The following GPI variants were observed in gnomAD, a reference collection of about 807,000 sequenced individuals.
GPI encodes the protein glucose-6-phosphate isomerase.
In GPI, 56 loss-of-function variants were observed where a neutral mutation model predicts 75.8. That is an observed-to-expected ratio of 0.74 (90% CI 0.60 to 0.92). The LOEUF is 0.92. GPI is among the 40% of genes least tolerant of loss of function. The pLI is 0.00. For missense variants in GPI, 638 were observed against 741.0 expected (o/e 0.86, Z 1.61); for synonymous variants, 288 against 285.4 (o/e 1.01, Z -0.09).
upstream of GPI, among the ~76,000 whole-genome samples, chr19:34,362,003 T>C (rs2074303990): frequency 6.6e-6 from 1 of 151,308 alleles, no homozygotes; most frequent in African/African-American, 2.4e-5. Context: ...TAATCTCAGC[T>C]ACTCGGGAGG....
chr19:34,382,947 T>A (rs1211015790), intron 9 of GPI, among the ~76,000 whole-genome samples: 2 of 151,980 alleles, frequency 1.3e-5, no homozygotes, highest in Admixed American at 6.6e-5. Flanking sequence ...GAAGGTGATA[T>A]CTGAAGAACC....
intron 9 of GPI, among the ~76,000 whole-genome samples, chr19:34,382,975 G>A (rs2074677637): frequency 6.6e-6 from 1 of 152,168 alleles, no homozygotes; most frequent in Non-Finnish European, 1.5e-5. Flanking sequence ...AGGAGCAGGC[G>A]AAGTTCCTGC....
chr19:34,368,880 A>ATT (rs2074408012), intron 4 of GPI, 178 bp downstream of exon 4: 1 of 717,040 alleles, frequency 1.4e-6, no homozygotes, highest in South Asian at 1.5e-5. Flanking sequence ...TGAGGCCTGA[A>ATT]TTTCTCCTGG....
At chr19:34,366,484 G>T (rs754574122) in intron 2 of GPI, 49 bp downstream of exon 2, 2 of 1,325,528 alleles carry the variant, frequency 1.5e-6, no homozygotes, top group Admixed American at 1.7e-5. Context: ...AGAGTGGTGG[G>T]TGAGCTGGGC....
At chr19:34,394,465 C>T (rs989424106) in intron 12 of GPI, among the ~76,000 whole-genome samples, 1 of 78,800 alleles carries the variant, frequency 1.3e-5, no homozygotes. Flanking sequence ...GGATCTGGTA[C>T]AGGTATGAGG....
At chr19:34,366,488 G>A in intron 2 of GPI, 53 bp downstream of exon 2, 1 of 1,285,570 alleles carries the variant, frequency 7.8e-7, no homozygotes, top group Non-Finnish European at 1.1e-6. Flanking sequence ...TGGTGGGTGA[G>A]CTGGGCTCCT....
chr19:34,399,597 C>T lies in GPI; in HGVS notation c.1440C>T (p.Thr480=), dbSNP rs140849800. 1.2e-6 allele frequency: 2 copies of T among 1,614,008 alleles called. No homozygotes were observed. Among genetic ancestry groups the T allele is most frequent in the Non-Finnish European group, 8.5e-7 (1 of 1,180,012 alleles). Residue 480 remains threonine, a synonymous_variant, in exon 16 of 18, where the codon ACC becomes ACT. Coordinates refer to ENST00000356487, the MANE Select transcript of GPI (RefSeq NM_000175.5). The stretch of plus-strand genomic sequence containing the variant: ...GCCCAACCAACTCTATTGTGTTCAC[C>T]AAGCTCACACCATTCATGCTTGGAG... The part of the protein sequence containing the change: ...GNRPTNSIVF[T]KLTPFMLGAL...
intron 12 of GPI, among the ~76,000 whole-genome samples, chr19:34,394,365 C>G (rs1298149354): frequency 2.2e-5 from 3 of 133,676 alleles, no homozygotes; most frequent in Non-Finnish European, 4.9e-5. Flanking sequence ...TTCTTTCTTG[C>G]ACATCACTAT....
chr19:34,395,827 T>G (rs572463534), intron 12 of GPI, among the ~76,000 whole-genome samples: 1 of 152,076 alleles, frequency 6.6e-6, no homozygotes, highest in South Asian at 2.1e-4. Context: ...TGGGCAGGAC[T>G]TTGGCATGGT....
At chr19:34,390,339 G>C (rs1446963405) in intron 9 of GPI, among the ~76,000 whole-genome samples, 9 of 152,018 alleles carry the variant, frequency 5.9e-5, no homozygotes, top group African/African-American at 2.2e-4. Flanking sequence ...GTAGCAGAGA[G>C]CTGCTGGGTC....
chr19:34,378,276 C>T (rs934708788), intron 6 of GPI, among the ~76,000 whole-genome samples: 1 of 152,168 alleles, frequency 6.6e-6, no homozygotes, highest in African/African-American at 2.4e-5. Context: ...TCACTGCAAT[C>T]TCCGTCTCCC....
chr19:34,370,310 G>A (rs935340068), intron 4 of GPI, among the ~76,000 whole-genome samples: 3 of 152,194 alleles, frequency 2.0e-5, no homozygotes, highest in Admixed American at 6.5e-5. Context: ...TGCATGCTAC[G>A]AGGGTGATCG....
intron 4 of GPI, among the ~76,000 whole-genome samples, chr19:34,372,547 C>T (rs899364468): frequency 4.6e-5 from 7 of 152,032 alleles, no homozygotes; most frequent in African/African-American, 1.4e-4. Context: ...GAGGCTGAGG[C>T]GGGAGAATTG....
intron 4 of GPI, 89 bp downstream of exon 4, chr19:34,368,791 T>A: frequency 6.8e-7 from 1 of 1,472,410 alleles, no homozygotes; most frequent in Non-Finnish European, 9.5e-7. Context: ...TCTTCCCTCT[T>A]CTTGTAGGCA....
At chr19:34,365,436 C>T (rs1274301920) in intron 1 of GPI, 48 bp downstream of exon 1, 2 of 1,505,034 alleles carry the variant, frequency 1.3e-6, no homozygotes, top group Non-Finnish European at 1.8e-6. Flanking sequence ...CGCCCGGAAC[C>T]GGGCACGCGG....
At chr19:34,378,585 T>C (rs2074588493) in intron 6 of GPI, among the ~76,000 whole-genome samples, 1 of 152,166 alleles carries the variant, frequency 6.6e-6, no homozygotes, top group African/African-American at 2.4e-5. Flanking sequence ...TTTATTTATG[T>C]TCTATTTACT....
intron 9 of GPI, among the ~76,000 whole-genome samples, chr19:34,390,049 C>G (rs1020913159): frequency 3.3e-5 from 5 of 152,164 alleles, no homozygotes; most frequent in African/African-American, 4.8e-5. Flanking sequence ...CAGATATGAC[C>G]CACTGGGCCT....
intron 4 of GPI, among the ~76,000 whole-genome samples, chr19:34,371,664 CA>C (rs2074455256): frequency 6.6e-6 from 1 of 151,526 alleles, no homozygotes; most frequent in African/African-American, 2.4e-5. Context: ...GCCTGGCCAA[CA>C]TAATGAAACC....
chr19:34,378,182 A>C (rs974382781), intron 6 of GPI, among the ~76,000 whole-genome samples: 1 of 151,500 alleles, frequency 6.6e-6, no homozygotes, highest in Non-Finnish European at 1.5e-5. Context: ...CCTGTCCTTT[A>C]TGCCTGCTCC....
Sources: gnomAD v4.1 joint callset for allele counts (sites outside exome capture counted in the v4.1 genomes callset) on GRCh38, gnomAD v4.1.1 for gene constraint, MANE v1.5 for transcripts, NCBI Gene and HGNC (gene_info 2026-07-23, HGNC 2026-07-21) for gene names.